Variants in CBFB observed in about 807,000 individuals in gnomAD.
CBFB encodes the protein CBF-beta.
CBFB carries 9 observed loss-of-function variants against 30.4 expected under a neutral mutation model. The observed-to-expected ratio is 0.30, with a 90% CI of 0.18 to 0.52. The LOEUF (loss-of-function observed/expected upper bound fraction) is 0.52. Among genes scored for constraint, CBFB ranks in the 20% least tolerant of loss-of-function variants. The pLI is 0.97. For synonymous variants in CBFB, 94 were observed against 84.0 expected, an observed-to-expected ratio of 1.12 and a Z score of -0.65; for missense variants, 170 against 244.0, an observed-to-expected ratio of 0.70 and a Z score of 2.02.
chr16:67,092,696 A>ATTTTTTTTTTTTTTTTTTTTTTTTTTTT (rs1162307047), intron 5 of CBFB, among the ~76,000 whole-genome samples: 5 of 94,662 alleles, frequency 5.3e-5, no homozygotes, highest in African/African-American at 1.4e-4. Flanking sequence ...CAGTGGTGCA[A>ATTTTTTTTTTTTTTTTTTTTTTTTTTTT]TCTTTTTTTT....
In CBFB at chr16:67,029,359, C is replaced by T; in HGVS notation, c.-49C>T. 7.4e-7 allele frequency: 1 copy of T among 1,357,932 alleles called. No individual in the cohort carries two copies. Among genetic ancestry groups the T allele is most frequent in the South Asian group, 1.6e-5 (1 of 64,344 alleles). 84.1% of individuals were successfully genotyped at this position (1,357,932 alleles called of 1,614,324 possible). A position where few individuals can be genotyped will look rare whatever the true frequency, so the allele number is the denominator to read the frequency against. On this transcript the variant is annotated 5_prime_UTR_variant, in exon 1 of 6. Transcript: ENST00000412916. ...CAGCGCGGAGCCAGCCAGCGGGTGC[C>T]CGCGCAAGCCCCGAGCGCGGCCGGC... is the stretch of plus-strand genomic sequence containing the variant.
At chr16:67,051,879 A>C (rs1286751982) in intron 3 of CBFB, among the ~76,000 whole-genome samples, 1 of 150,032 alleles carries the variant, frequency 6.7e-6, no homozygotes, top group Non-Finnish European at 1.5e-5. Context: ...CCTCCTGAGT[A>C]GCTGGGATTA....
intron 3 of CBFB, among the ~76,000 whole-genome samples, chr16:67,050,147 T>C (rs1008064517): frequency 6.5e-4 from 96 of 148,722 alleles, no homozygotes; most frequent in South Asian, 6.3e-4. Context: ...TCTACTGATA[T>C]ATATATATCA....
Position 67,031,597 on chromosome 16 carries a change from G to C in CBFB, c.165+1784G>C, listed in dbSNP as rs568653397. Among the ~76,000 whole-genome samples the C allele has an allele frequency of 2.0e-5, 3 of 152,234 alleles. No individual in the cohort carries two copies. In the East Asian group the frequency reaches 5.8e-4, roughly 29 times the overall value. On this transcript the variant is annotated intron_variant, in intron 2 of 5. Coordinates refer to ENST00000412916, the MANE Select transcript of CBFB (RefSeq NM_022845.3). ...ATGATCTTGGCTCGCTGCAACCTTC[G>C]CCTCCTGGGTTAAAGCGATTCTCCT...
chr16:67,069,235 T>C (rs1192719770), intron 4 of CBFB, among the ~76,000 whole-genome samples: 1 of 151,952 alleles, frequency 6.6e-6, no homozygotes, highest in Admixed American at 6.6e-5. Flanking sequence ...CCGAGTGTTG[T>C]GGCATATGCC....
intron 2 of CBFB, among the ~76,000 whole-genome samples, chr16:67,034,813 C>G (rs1966413690): frequency 6.6e-6 from 1 of 152,184 alleles, no homozygotes; most frequent in Non-Finnish European, 1.5e-5. Context: ...TGCCACCACT[C>G]TGCTCTGAGA....
At chr16:67,090,714 G>A (rs1040653813) in intron 5 of CBFB, among the ~76,000 whole-genome samples, 3 of 152,164 alleles carry the variant, frequency 2.0e-5, no homozygotes, top group African/African-American at 7.2e-5. Context: ...CCTACATTTG[G>A]TTAGATTATA....
At chr16:67,051,925 A>C (rs1054157614) in intron 3 of CBFB, among the ~76,000 whole-genome samples, 1 of 150,978 alleles carries the variant, frequency 6.6e-6, no homozygotes. Flanking sequence ...ACACACACAC[A>C]CACACACACA....
intron 4 of CBFB, among the ~76,000 whole-genome samples, chr16:67,067,536 G>A (rs1005336457): frequency 6.6e-6 from 1 of 151,910 alleles, no homozygotes; most frequent in South Asian, 2.1e-4. Context: ...CAACAACAAC[G>A]AACAACACCC....
At chr16:67,078,251 G>GA (rs1395044619) in intron 4 of CBFB, among the ~76,000 whole-genome samples, 1 of 152,328 alleles carries the variant, frequency 6.6e-6, no homozygotes, top group East Asian at 1.9e-4. Context: ...CATGTCATTA[G>GA]AAAATACCAA....
At chr16:67,047,824 T>C (rs1597130947) in intron 3 of CBFB, among the ~76,000 whole-genome samples, 1 of 152,126 alleles carries the variant, frequency 6.6e-6, no homozygotes, top group Non-Finnish European at 1.5e-5. Context: ...GTCCCAGTGC[T>C]CTGGAAGGCC....
chr16:67,091,712 C>CT (rs1329990571), intron 5 of CBFB, among the ~76,000 whole-genome samples: 1 of 151,962 alleles, frequency 6.6e-6, no homozygotes, highest in African/African-American at 2.4e-5. Context: ...TGTCTGCTGA[C>CT]TTTTTTTTAC....
chr16:67,090,296 G>A (rs1005154366), intron 5 of CBFB, among the ~76,000 whole-genome samples: 5 of 152,112 alleles, frequency 3.3e-5, no homozygotes. Flanking sequence ...ATAAAAAGAA[G>A]GCTTTTAAAA....
At chr16:67,071,438 G>A (rs1372714430) in intron 4 of CBFB, among the ~76,000 whole-genome samples, 2 of 152,122 alleles carry the variant, frequency 1.3e-5, no homozygotes, top group East Asian at 1.9e-4. Flanking sequence ...TCTCTCTGCC[G>A]TATGAGGACA....
intron 3 of CBFB, among the ~76,000 whole-genome samples, chr16:67,037,509 T>C (rs1966461209): frequency 6.6e-6 from 1 of 152,162 alleles, no homozygotes; most frequent in African/African-American, 2.4e-5. Flanking sequence ...AACTTTAACT[T>C]GGAAATACTT....
Position 67,029,454 on chromosome 16 carries a change from A to G in CBFB, c.47A>G (p.Glu16Gly). 6.3e-7 allele frequency: 1 copy of G among 1,590,818 alleles called. No homozygotes were observed. The highest frequency in any genetic ancestry group is 8.5e-7 in the Non-Finnish European group (1 of 1,170,254). Reference sequence around the variant, plus strand: ...CAGAGAAGCAAGTTCGAGAACGAGGAGTTTTTTAGGAAGCTGAGCCGCGAG... The same window carrying G: ...CAGAGAAGCAAGTTCGAGAACGAGGGGTTTTTTAGGAAGCTGAGCCGCGAG... ...PDQRSKFENE[E>G]FFRKLSRECE... The change falls in exon 1 of 6, where the codon GAG becomes GGG. Residue 16 changes from glutamate (E) to glycine (G), a missense_variant. Transcript: ENST00000412916.
intron 5 of CBFB, among the ~76,000 whole-genome samples, chr16:67,095,328 C>T (rs1477291551): frequency 6.6e-6 from 1 of 151,070 alleles, no homozygotes; most frequent in Non-Finnish European, 1.5e-5. Flanking sequence ...ACCATCCTGG[C>T]TAACATGGTG....
chr16:67,066,980 C>T, intron 4 of CBFB, 182 bp downstream of exon 4: 1 of 437,124 alleles, frequency 2.3e-6, no homozygotes, highest in Admixed American at 3.7e-5. Flanking sequence ...AAAGTTTTTT[C>T]TTCAGCAGTT....
At chr16:67,051,944 C>T (rs897382791) in intron 3 of CBFB, among the ~76,000 whole-genome samples, 12 of 148,274 alleles carry the variant, frequency 8.1e-5, no homozygotes, top group African/African-American at 1.3e-4. Flanking sequence ...CACACACACA[C>T]GCATACATAT....
Sources: gnomAD v4.1 joint callset for allele counts (sites outside exome capture counted in the v4.1 genomes callset) on GRCh38, gnomAD v4.1.1 for gene constraint, MANE v1.5 for transcripts, NCBI Gene and HGNC (gene_info 2026-07-23, HGNC 2026-07-21) for gene names.